Variants in PRDM7 observed in about 807,000 individuals in gnomAD.
The protein encoded by PRDM7 is histone-lysine N-methyltransferase PRDM7.
Under a neutral mutation model 64.3 loss-of-function variants are expected in PRDM7, and 52 were observed. The ratio of observed to expected loss-of-function variants is 0.81; its 90% CI spans 0.65 to 1.02. The LOEUF is 1.02. Ranked by LOEUF, PRDM7 falls within the 50% of genes least tolerant of loss-of-function variation. PRDM7 has a pLI of 0.00. For synonymous variants in PRDM7, 192 were observed against 210.1 expected (o/e 0.91, Z 0.74); for missense variants, 574 against 597.1 (o/e 0.96, Z 0.40).
intron 4 of PRDM7, among the ~76,000 whole-genome samples, chr16:90,069,049 C>T (rs137938320): frequency 0.011 from 1,651 of 151,154 alleles, 56 homozygotes; most frequent in Non-Finnish European, 0.018. Flanking sequence ...CCAGAATAGC[C>T]GAAACAATCT....
In PRDM7 at chr16:90,065,832, G is replaced by C. The variant is rs966604719; in HGVS notation, c.351+1029C>G. Among the ~76,000 whole-genome samples, 21 of 151,406 alleles carry C rather than the reference G, an allele frequency of 1.4e-4. 2 individuals are homozygous for C. Among genetic ancestry groups the C allele is most frequent in the African/African-American group, 5.2e-4 (21 of 40,770 alleles). On this transcript the variant is annotated intron_variant, in intron 5 of 10. Coordinates refer to ENST00000449207, the MANE Select transcript of PRDM7 (RefSeq NM_001098173.2). The stretch of plus-strand genomic sequence containing the variant: ...GAAATCTAACTCAAAGATATTTTCA[G>C]CATTCCTTGACCCTGTTACTTATAG...
intron 4 of PRDM7, among the ~76,000 whole-genome samples, chr16:90,067,371 G>C (rs917850214): frequency 1.3e-5 from 2 of 150,940 alleles, no homozygotes; most frequent in African/African-American, 4.9e-5. Flanking sequence ...GTATCATTAA[G>C]GCCTATGCTT....
At chr16:90,063,547 G>A in intron 6 of PRDM7, 65 bp downstream of exon 6, 1 of 1,575,518 alleles carries the variant, frequency 6.3e-7, no homozygotes, top group Non-Finnish European at 8.7e-7. Context: ...CACATAGGTA[G>A]ACCATACTCA....
At chr16:90,071,246 C>G (rs1176135709) in intron 4 of PRDM7, among the ~76,000 whole-genome samples, 1 of 152,142 alleles carries the variant, frequency 6.6e-6, no homozygotes. Flanking sequence ...ATTCTTCTAC[C>G]TCAACCTCCC....
chr16:90,064,751 C>G (rs1331224824), intron 5 of PRDM7, among the ~76,000 whole-genome samples: 1 of 149,894 alleles, frequency 6.7e-6, no homozygotes, highest in Non-Finnish European at 1.5e-5. Context: ...GGGAGTCTCA[C>G]TCTGTTGCCT....
chr16:90,063,099 G>A (rs2151307239), intron 6 of PRDM7, among the ~76,000 whole-genome samples: 1 of 152,274 alleles, frequency 6.6e-6, no homozygotes, highest in Non-Finnish European at 1.5e-5. Flanking sequence ...CTTCTGTGTG[G>A]ATTATAACCC....
chr16:90,060,311 T>C lies in PRDM7; in HGVS notation c.1233+30A>G, dbSNP rs769433928. On this transcript the variant is annotated intron_variant, in intron 10 of 10. Coordinates refer to ENST00000449207, the MANE Select transcript of PRDM7 (RefSeq NM_001098173.2). ...CTCTAGGATAATTCTTTCTTTCCTG[T>C]CCTTTTAAAAGAGTAATAGTGATGC... 2.5e-6 allele frequency: 4 copies of C among 1,613,804 alleles called. No homozygotes were observed. In the Admixed American group the frequency reaches 6.7e-5, roughly 27 times the overall value.
chr16:90,065,477 G>C (rs1181692847), intron 5 of PRDM7, among the ~76,000 whole-genome samples: 1 of 150,778 alleles, frequency 6.6e-6, no homozygotes, highest in Non-Finnish European at 1.5e-5. Context: ...GCTCACATCT[G>C]TAATCCCAGC....
chr16:90,072,668 C>T (rs2037978173), intron 4 of PRDM7, among the ~76,000 whole-genome samples: 3 of 152,144 alleles, frequency 2.0e-5, no homozygotes, highest in Admixed American at 6.5e-5. Context: ...CAACAGTGTG[C>T]ATACAGTTAA....
rs573796420 is a variant in PRDM7 at position 90,057,007 on chromosome 16, C to T, written c.*1282G>A. ...GTATGAGAGGGTCTGTCTCTCTTCTCTCAGAGTATTCAATTTCCTTAGGAT... is the reference window on the plus strand; with the variant it reads ...GTATGAGAGGGTCTGTCTCTCTTCTTTCAGAGTATTCAATTTCCTTAGGAT... On this transcript the variant is annotated 3_prime_UTR_variant, in exon 11 of 11. Transcript: ENST00000449207. 1.3e-5 allele frequency: 2 copies of T among 152,306 alleles called. No individual in the cohort carries two copies. Among genetic ancestry groups the T allele is most frequent in the African/African-American group, 2.4e-5 (1 of 41,542 alleles). The allele number at this position is 152,306 out of a possible 1,614,324, so 9.4% of individuals were successfully genotyped here. A position where few individuals can be genotyped will look rare whatever the true frequency, so the allele number is the denominator to read the frequency against.
chr16:90,058,099 C>G lies in PRDM7; in HGVS notation c.*190G>C, dbSNP rs879213322. The G allele has an allele frequency of 2.0e-5, 33 of 1,613,902 alleles. 1 individual carries two copies. In the South Asian group the frequency reaches 3.6e-4, roughly 18 times the overall value. ...ATCACTGAAACCTTGCCCACACTCT[C>G]CATATTTGACTTTCGCAATTCTTGA... On this transcript the variant is annotated 3_prime_UTR_variant, in exon 11 of 11. Transcript: ENST00000449207.
chr16:90,059,848 A>C (rs2037741873), intron 10 of PRDM7, among the ~76,000 whole-genome samples: 1 of 152,242 alleles, frequency 6.6e-6, no homozygotes, highest in Non-Finnish European at 1.5e-5. Flanking sequence ...CGGTTCCCTA[A>C]TTCACAAGTT....
At chr16:90,066,378 T>C (rs11642823) in intron 5 of PRDM7, among the ~76,000 whole-genome samples, 7,381 of 151,228 alleles carry the variant, frequency 0.049, 342 homozygotes, top group East Asian at 0.15. Flanking sequence ...GAAAAATCAA[T>C]TGGACGAATG....
chr16:90,070,639 T>C (rs1326022771), intron 4 of PRDM7, among the ~76,000 whole-genome samples: 2 of 146,360 alleles, frequency 1.4e-5, no homozygotes, highest in African/African-American at 5.4e-5. Context: ...AGAAATTTCT[T>C]CTCCTTCCTG....
rs1156575831 is a variant in PRDM7 at position 90,061,490 on chromosome 16, A to G, written c.912T>C (p.Tyr304=). ...CCGAGGATTTATCTTTTCCATCCACATACTCATAGCAGTTTCTCCCCTTGG... is the reference window on the plus strand; with the variant it reads ...CCGAGGATTTATCTTTTCCATCCACGTACTCATAGCAGTTTCTCCCCTTGG... ...LITKGRNCYE[Y]VDGKDKSSAN... The change falls in exon 9 of 11, where the codon TAT becomes TAC. Residue 304 remains tyrosine (Y), a synonymous_variant. Coordinates refer to ENST00000449207, the MANE Select transcript of PRDM7 (RefSeq NM_001098173.2). 1.2e-6 allele frequency: 2 copies of G among 1,606,516 alleles called. No homozygotes were observed. The highest frequency in any genetic ancestry group is 1.7e-6 in the Non-Finnish European group (2 of 1,172,982).
chr16:90,061,390 G>T (rs2037773780), intron 9 of PRDM7, 62 bp downstream of exon 9: 6 of 1,502,530 alleles, frequency 4.0e-6, no homozygotes, highest in Non-Finnish European at 5.5e-6. Flanking sequence ...TGAGAAGGAA[G>T]GAAGTCCGGG....
chr16:90,062,724 C>T (rs1214727475), intron 6 of PRDM7, among the ~76,000 whole-genome samples: 1 of 152,198 alleles, frequency 6.6e-6, no homozygotes, highest in East Asian at 1.9e-4. Context: ...ATCCCATTAA[C>T]CTCCCAGCCT....
chr16:90,074,996 A>C lies in PRDM7; in HGVS notation c.221T>G (p.Met74Arg), dbSNP rs867965484. 5.0e-6 allele frequency: 8 copies of C among 1,614,016 alleles called. No individual in the cohort carries two copies. In the African/African-American group the frequency reaches 8.0e-5, roughly 16 times the overall value. ...VGLRATRPAF[M>R]CHRRQAIKLQ... ...TTTGATGGCCTGCCTTCGGTGACAC[A>C]TGAAAGCTGGTCGAGTGGCTCTGAG... Residue 74 changes from methionine (M) to arginine (R), a missense_variant, in exon 4 of 11, where the codon ATG becomes AGG. Physicochemically the swap from Met to Arg is moderately conservative, Grantham distance 91. Transcript: ENST00000449207.
rs146514574 is a variant in PRDM7, at chr16:90,063,737, G to C, written c.383C>G (p.Ser128Cys). The change falls in exon 6 of 11, where the codon TCT (serine) becomes TGT (cysteine). Residue 128 changes from serine to cysteine, a missense_variant. Transcript: ENST00000449207. The part of the protein sequence containing the change: ...GMPKASFNNE[S>C]SLRELSGTPN... ...CGTTCCTGACAATTCTCTCAAACTA[G>C]ATTCATTATTGAATGACGCCTTGGG... 1.4e-4 allele frequency: 226 copies of C among 1,614,154 alleles called. No individual in the cohort carries two copies. The African/African-American group carries it at 2.6e-3, about 19-fold the overall frequency.
Sources: gnomAD v4.1 joint callset for allele counts (sites outside exome capture counted in the v4.1 genomes callset) on GRCh38, gnomAD v4.1.1 for gene constraint, MANE v1.5 for transcripts, NCBI Gene and HGNC (gene_info 2026-07-23, HGNC 2026-07-21) for gene names.